Variants in ZDHHC11B observed in about 807,000 individuals in gnomAD.
ZDHHC11B encodes probable palmitoyltransferase ZDHHC11B.
Under a neutral mutation model 42.3 loss-of-function variants are expected in ZDHHC11B, and 17 were observed. The observed-to-expected ratio is 0.40, with a 90% CI of 0.27 to 0.60. The LOEUF is 0.60. ZDHHC11B is among the 20% of genes least tolerant of loss of function. ZDHHC11B has a pLI of 0.41. For missense variants in ZDHHC11B, 262 were observed against 463.2 expected (o/e 0.57, Z 3.99); for synonymous variants, 123 against 193.5 (o/e 0.64, Z 3.02).
intron 12 of ZDHHC11B, 100 bp downstream of exon 12, chr5:730,332 AAT>A: frequency 7.3e-7 from 1 of 1,363,632 alleles, no homozygotes; most frequent in East Asian, 2.7e-5. Flanking sequence ...ATGTCATCAG[AAT>A]ATTTGAACAT....
At chr5:748,054 A>T in intron 8 of ZDHHC11B, 1 of 460,802 alleles carries the variant, frequency 2.2e-6, no homozygotes, top group East Asian at 4.7e-5. Flanking sequence ...TCCTTATTTC[A>T]TAATGTCCTG....
At chr5:774,920 A>G (rs1294963790) in intron 1 of ZDHHC11B, among the ~76,000 whole-genome samples, 1 of 151,992 alleles carries the variant, frequency 6.6e-6, no homozygotes, top group East Asian at 1.9e-4. Context: ...CAGAGCCTAC[A>G]CCACTGCTCT....
At chr5:748,581 A>C in intron 7 of ZDHHC11B, 22 bp from the exon 8 acceptor site, 1 of 1,357,772 alleles carries the variant, frequency 7.4e-7, no homozygotes, top group Non-Finnish European at 9.8e-7. Context: ...AGGGAGAGAC[A>C]CTGTGTCCAG....
At chr5:764,488 G>A (rs1452239106) in intron 4 of ZDHHC11B, among the ~76,000 whole-genome samples, 1 of 151,944 alleles carries the variant, frequency 6.6e-6, no homozygotes, top group African/African-American at 2.4e-5. Context: ...CCCGGGCAGT[G>A]AGGGGCTTAG....
rs438922 is a variant in ZDHHC11B at position 767,383 on chromosome 5, A to G, written c.-1+9T>C. ...CAGCAGCCAAGGGCTCCCCGGGGCC[A>G]ACACCTGCCTCGGCGCACACTGCAC... On this transcript the variant is annotated intron_variant, in intron 3 of 13. Transcript: ENST00000508859. The G allele has an allele frequency of 0.38, 539,965 of 1,424,124 alleles. 78,330 individuals are homozygous for G. Among genetic ancestry groups the G allele is most frequent in the African/African-American group, 0.62 (43,308 of 69,888 alleles). 88.2% of individuals were successfully genotyped at this position (1,424,124 alleles called of 1,614,324 possible). A position where few individuals can be genotyped will look rare whatever the true frequency, so the allele number is the denominator to read the frequency against.
chr5:766,539 TGGC>T (rs1388676655), intron 4 of ZDHHC11B, among the ~76,000 whole-genome samples, 156 bp downstream of exon 4: 1 of 151,858 alleles, frequency 6.6e-6, no homozygotes, highest in Admixed American at 6.6e-5. Flanking sequence ...AGAGCACGAA[TGGC>T]CACTGGGCCC....
At chr5:736,770 A>G (rs1477634906) in intron 10 of ZDHHC11B, among the ~76,000 whole-genome samples, 3 of 129,688 alleles carry the variant, frequency 2.3e-5, no homozygotes, top group Middle Eastern at 3.5e-3. Flanking sequence ...TTCAAACTGA[A>G]TAACTGTGGC....
At chr5:743,173 T>C (rs1224691376) in intron 9 of ZDHHC11B, among the ~76,000 whole-genome samples, 5 of 149,180 alleles carry the variant, frequency 3.4e-5, no homozygotes, top group Admixed American at 1.4e-4. Flanking sequence ...CAATTGACCA[T>C]AAATGAAAGC....
chr5:784,190 G>T (rs1451697580), intron 1 of ZDHHC11B, among the ~76,000 whole-genome samples: 44 of 151,134 alleles, frequency 2.9e-4, no homozygotes, highest in African/African-American at 1.1e-3. Flanking sequence ...TGTGGCCAGG[G>T]ATCTCAAAAC....
Position 733,944 on chromosome 5 carries a change from C to A in ZDHHC11B, c.936-105G>T, listed in dbSNP as rs1743299339. 12 of 1,022,040 alleles carry A rather than the reference C, an allele frequency of 1.2e-5. No homozygotes were observed. In the South Asian group the frequency reaches 1.7e-4, roughly 14 times the overall value. The allele number at this position is 1,022,040 out of a possible 1,614,324, so 63.3% of individuals were successfully genotyped here. A position where few individuals can be genotyped will look rare whatever the true frequency, so the allele number is the denominator to read the frequency against. ...TCGTGTCAGCACCACTGCTGTGGGGCACACATGTCTCAAAAACTTGTAGAC... is the reference window on the plus strand; with the variant it reads ...TCGTGTCAGCACCACTGCTGTGGGGAACACATGTCTCAAAAACTTGTAGAC... On this transcript the variant is annotated intron_variant, in intron 10 of 13. Transcript: ENST00000508859.
Position 726,311 on chromosome 5 carries a change from A to G in ZDHHC11B, c.1058+4123T>C, listed in dbSNP as rs1295168482. Among the ~76,000 whole-genome samples the G allele has an allele frequency of 3.3e-5, 5 of 151,328 alleles. No individual in the cohort carries two copies. In the East Asian group the frequency reaches 9.7e-4, roughly 29 times the overall value. On this transcript the variant is annotated intron_variant, in intron 12 of 13. Coordinates refer to ENST00000508859, the MANE Select transcript of ZDHHC11B (RefSeq NM_001351303.2). ...GTGCGCAGCAGGCAGAGCCTGAAGT[A>G]GAAGGCTGTGAGTGAGTCTATAAGG...
intron 7 of ZDHHC11B, among the ~76,000 whole-genome samples, chr5:748,772 C>A (rs1351604198): frequency 7.7e-6 from 1 of 129,712 alleles, no homozygotes; most frequent in African/African-American, 2.5e-5. Flanking sequence ...CTTTATGGAT[C>A]TGGGAGGTGA....
chr5:771,022 G>A (rs1301393807), intron 1 of ZDHHC11B, among the ~76,000 whole-genome samples: 1 of 151,884 alleles, frequency 6.6e-6, no homozygotes, highest in Non-Finnish European at 1.5e-5. Flanking sequence ...GCTGGACTCA[G>A]GGCATGAAAG....
Position 766,695 on chromosome 5 carries a change from T to C in ZDHHC11B, c.222+3A>G, listed in dbSNP as rs1201963381. On this transcript the variant is annotated splice_donor_region_variant and intron_variant, in intron 4 of 13. Coordinates refer to ENST00000508859, the MANE Select transcript of ZDHHC11B (RefSeq NM_001351303.2). ...TTAGACCATGCCACGATGAAAAGGA[T>C]ACCACATAGGCGATGTATTTCCACG... 6.2e-7 allele frequency: 1 copy of C among 1,605,356 alleles called. No homozygotes were observed. The highest frequency in any genetic ancestry group is 8.5e-7 in the Non-Finnish European group (1 of 1,175,144).
Position 784,036 on chromosome 5 carries a change from C to T in ZDHHC11B, c.-230+632G>A, listed in dbSNP as rs370521217. 7.9e-5 allele frequency among the ~76,000 whole-genome samples: 12 copies of T among 151,680 alleles called. 1 individual carries two copies. The South Asian group carries it at 2.5e-3, about 32-fold the overall frequency. On this transcript the variant is annotated intron_variant, in intron 1 of 13. Coordinates refer to ENST00000508859, the MANE Select transcript of ZDHHC11B (RefSeq NM_001351303.2). ...CCAGGGGTGCGGGAAGGTGTCCCGG[C>T]AGCGCCTCTCCATCGCCACAGGCCC...
intron 4 of ZDHHC11B, among the ~76,000 whole-genome samples, chr5:765,691 T>G (rs956279193): frequency 5.9e-5 from 9 of 151,920 alleles, no homozygotes; most frequent in African/African-American, 2.2e-4. Flanking sequence ...CCGCACTGCC[T>G]TTATGAGCTC....
chr5:750,226 A>G (rs1308078212), intron 7 of ZDHHC11B, among the ~76,000 whole-genome samples: 2 of 125,168 alleles, frequency 1.6e-5, no homozygotes, highest in African/African-American at 5.6e-5. Context: ...AATACATCAA[A>G]TGGTGGCGGG....
At chr5:777,915 GA>G (rs1736670994) in intron 1 of ZDHHC11B, among the ~76,000 whole-genome samples, 2 of 151,064 alleles carry the variant, frequency 1.3e-5, no homozygotes, top group Admixed American at 1.3e-4. Flanking sequence ...CGGGGCGGGG[GA>G]GGGGGGGCGT....
At chr5:746,315 C>T (rs562619392) in intron 8 of ZDHHC11B, among the ~76,000 whole-genome samples, 8 of 147,492 alleles carry the variant, frequency 5.4e-5, no homozygotes, top group African/African-American at 1.7e-4. Flanking sequence ...TGTGGCCAGC[C>T]CAGCCCTCAC....
Sources: allele counts gnomAD v4.1 joint callset (sites outside exome capture counted in the v4.1 genomes callset), GRCh38; gene constraint gnomAD v4.1.1; transcripts MANE v1.5; gene names NCBI Gene and HGNC (gene_info 2026-07-23, HGNC 2026-07-21).